SORCS3: variants seen among roughly 807,000 people sequenced by gnomAD.
SORCS3 encodes VPS10 domain-containing receptor SorCS3.
Under a neutral mutation model 146.3 loss-of-function variants are expected in SORCS3, and 57 were observed. The ratio of observed to expected loss-of-function variants is 0.39; its 90% CI spans 0.31 to 0.49. The LOEUF is 0.49. Among genes scored for constraint, SORCS3 ranks in the 20% least tolerant of loss-of-function variants. The pLI, the probability that SORCS3 is intolerant of heterozygous loss-of-function variation, is 0.92. For missense variants in SORCS3, 1,341 were observed against 1,575.5 expected (o/e 0.85, Z 2.52); for synonymous variants, 653 against 618.5 (o/e 1.06, Z -0.83).
chr10:105,073,922 A>G (rs894610669), intron 5 of SORCS3, among the ~76,000 whole-genome samples: 33 of 152,128 alleles, frequency 2.2e-4, no homozygotes, highest in Admixed American at 3.9e-4. Context: ...CCGAGAAGCC[A>G]TGAAGTAAAG....
intron 20 of SORCS3, among the ~76,000 whole-genome samples, chr10:105,236,393 A>G (rs967639767): frequency 6.6e-6 from 1 of 152,176 alleles, no homozygotes; most frequent in African/African-American, 2.4e-5. Context: ...AGACCAGCAG[A>G]TATACATAGT....
chr10:104,958,699 A>G (rs11814617), intron 3 of SORCS3, among the ~76,000 whole-genome samples: 11,197 of 152,214 alleles, frequency 0.074, 1,250 homozygotes, highest in African/African-American at 0.24. Context: ...TCACATGGCT[A>G]TAAAAAACTA....
chr10:104,641,962 C>A lies in SORCS3; in HGVS notation c.627+8C>A, dbSNP rs1167605567. On this transcript the variant is annotated splice_region_variant and intron_variant, in intron 1 of 26. Coordinates refer to ENST00000369701, the MANE Select transcript of SORCS3 (RefSeq NM_014978.3). This position sits in a 1 kb window ranked among gnomAD's most constrained non-coding sequence, Gnocchi z 6.4. Reference sequence around the variant, plus strand: ...TCGGGACACAACAGCAGCGTGAGTACCCACCCGGCGGCGGGTCCGCCTGTT... The same window carrying A: ...TCGGGACACAACAGCAGCGTGAGTAACCACCCGGCGGCGGGTCCGCCTGTT... 9 of 1,573,452 alleles carry A rather than the reference C, an allele frequency of 5.7e-6. No individual in the cohort carries two copies. The African/African-American group carries it at 8.3e-5, about 15-fold the overall frequency.
intron 1 of SORCS3, among the ~76,000 whole-genome samples, chr10:104,747,423 G>A (rs1483473981): frequency 6.6e-6 from 1 of 152,160 alleles, no homozygotes; most frequent in African/African-American, 2.4e-5. Flanking sequence ...CAGCTCTAGT[G>A]AGGTAGATGA....
chr10:105,028,525 C>T (rs2133693699), intron 4 of SORCS3, among the ~76,000 whole-genome samples: 1 of 152,244 alleles, frequency 6.6e-6, no homozygotes, highest in Middle Eastern at 3.4e-3. Flanking sequence ...CTCCATATAT[C>T]CACCTTGTGA....
intron 1 of SORCS3, among the ~76,000 whole-genome samples, chr10:104,728,317 C>T (rs1448215035): frequency 1.3e-5 from 2 of 152,118 alleles, no homozygotes; most frequent in East Asian, 3.9e-4. Context: ...TGCAGGTCAG[C>T]TTAACCTGTG....
intron 1 of SORCS3, among the ~76,000 whole-genome samples, chr10:104,828,308 A>T (rs985746204): frequency 6.6e-6 from 1 of 152,104 alleles, no homozygotes; most frequent in African/African-American, 2.4e-5. Context: ...TGTAGGGTTG[A>T]TATTTGGCCT....
chr10:105,171,528 A>C (rs932337844), intron 13 of SORCS3, among the ~76,000 whole-genome samples: 15 of 152,178 alleles, frequency 9.9e-5, no homozygotes, highest in African/African-American at 3.6e-4. Flanking sequence ...GGAAAACATC[A>C]CCTGGCCTTT....
chr10:105,163,883 T>TACACACACACACACACACACAC (rs67886313), intron 11 of SORCS3, among the ~76,000 whole-genome samples: 3 of 138,712 alleles, frequency 2.2e-5, no homozygotes, highest in South Asian at 4.9e-4. Flanking sequence ...GTTACGCACA[T>TACACACACACACACACACACAC]ACACACACAC....
chr10:105,205,161 C>A (rs1402505247), intron 16 of SORCS3, among the ~76,000 whole-genome samples: 1 of 152,040 alleles, frequency 6.6e-6, no homozygotes, highest in Non-Finnish European at 1.5e-5. Context: ...GAGGGTATCA[C>A]CTAGTTCAGT....
chr10:104,898,135 A>T (rs556950402), intron 2 of SORCS3, among the ~76,000 whole-genome samples: 1 of 152,210 alleles, frequency 6.6e-6, no homozygotes, highest in Non-Finnish European at 1.5e-5. Flanking sequence ...ACCTGTTTTC[A>T]GACACCCACT....
chr10:104,641,846 TG>T lies in SORCS3; in HGVS notation c.525del (p.Ser176ArgfsTer15). On this transcript the variant is annotated frameshift_variant, in exon 1 of 27. Transcript: ENST00000369701. LOFTEE classifies it high-confidence loss of function. The surrounding 1 kb of genome is among the most constrained non-coding windows in gnomAD (Gnocchi z 6.4). Reference protein sequence around the residue: ...SREEVKAPRAGGSAAEDLRLP... With the variant: ...SREEVKAPRAXGSAAEDLRLP... ...GGGAGGAGGTGAAGGCGCCGCGGGC[TG>T]GGGGGTCGGCGGCTGAAGACCTCCG... The T allele has an allele frequency of 2.5e-6, 4 of 1,569,272 alleles. No individual in the cohort carries two copies. The highest frequency in any genetic ancestry group is 1.7e-6 in the Non-Finnish European group (2 of 1,160,248).
intron 1 of SORCS3, among the ~76,000 whole-genome samples, chr10:104,675,029 G>C (rs2133260288): frequency 6.6e-6 from 1 of 152,296 alleles, no homozygotes; most frequent in Admixed American, 6.5e-5. Context: ...GATTTTAGTA[G>C]ATACCACCAA....
At chr10:104,917,840 A>G (rs2133601472) in intron 3 of SORCS3, among the ~76,000 whole-genome samples, 1 of 152,264 alleles carries the variant, frequency 6.6e-6, no homozygotes, top group Non-Finnish European at 1.5e-5. Flanking sequence ...GATGAATGGT[A>G]TTTTATTGTG....
chr10:105,086,291 C>T (rs1375535195), intron 5 of SORCS3, among the ~76,000 whole-genome samples: 2 of 152,152 alleles, frequency 1.3e-5, no homozygotes, highest in Non-Finnish European at 2.9e-5. Flanking sequence ...TAAAGGATGA[C>T]AGGAAAGGGT....
rs962504895 is a variant in SORCS3, at chr10:105,263,993, T to C, written c.*619T>C. 2.0e-5 allele frequency: 3 copies of C among 152,538 alleles called. No individual in the cohort carries two copies. The highest frequency in any genetic ancestry group is 4.4e-5 in the Non-Finnish European group (3 of 68,274). The allele number at this position is 152,538 out of a possible 1,614,324, so 9.4% of individuals were successfully genotyped here. Reference sequence around the variant, plus strand: ...AGAAAACAGAAAAAAGAAAGATGCGTGTGTTGGCTTACGCACTGGCCCTCA... The same window carrying C: ...AGAAAACAGAAAAAAGAAAGATGCGCGTGTTGGCTTACGCACTGGCCCTCA... On this transcript the variant is annotated 3_prime_UTR_variant, in exon 27 of 27. Transcript: ENST00000369701.
chr10:105,078,829 C>G (rs989626411), intron 5 of SORCS3, among the ~76,000 whole-genome samples: 3 of 152,170 alleles, frequency 2.0e-5, no homozygotes, highest in Non-Finnish European at 4.4e-5. Flanking sequence ...AGCAAATTGC[C>G]TAGAATCCCC....
At chr10:105,050,630 C>T (rs1027238591) in intron 5 of SORCS3, among the ~76,000 whole-genome samples, 3 of 152,140 alleles carry the variant, frequency 2.0e-5, no homozygotes, top group African/African-American at 7.2e-5. Flanking sequence ...CCTCCTCAGG[C>T]AGAGGCACCT....
At chr10:105,089,361 G>A (rs2055685498) in intron 5 of SORCS3, among the ~76,000 whole-genome samples, 1 of 152,200 alleles carries the variant, frequency 6.6e-6, no homozygotes, top group Non-Finnish European at 1.5e-5. Context: ...GGCAGGTAAA[G>A]TGGGAGGGCA....
Sources: gnomAD v4.1 joint callset for allele counts (sites outside exome capture counted in the v4.1 genomes callset) on GRCh38, gnomAD v4.1.1 for gene constraint, Gnocchi (gnomAD v3.1) non-coding constraint, MANE v1.5 for transcripts, NCBI Gene and HGNC (gene_info 2026-07-23, HGNC 2026-07-21) for gene names.